SNX15: variants seen among roughly 807,000 people sequenced by gnomAD.
The protein encoded by SNX15 is sorting nexin-15.
Under a neutral mutation model 35.2 loss-of-function variants are expected in SNX15, and 29 were observed. The observed-to-expected ratio is 0.82, with a 90% CI of 0.61 to 1.12. The LOEUF (loss-of-function observed/expected upper bound fraction) is 1.12, where lower values mean the gene tolerates loss of function less well. Ranked by LOEUF, SNX15 falls within the 50% of genes most tolerant of loss-of-function variation. The pLI, the probability that SNX15 is intolerant of heterozygous loss-of-function variation, is 0.00. For synonymous variants in SNX15, 189 were observed against 188.2 expected, an observed-to-expected ratio of 1.00 and a Z score of -0.03; for missense variants, 400 against 451.5, an observed-to-expected ratio of 0.89 and a Z score of 1.03.
At position 65,032,837 on chromosome 11, in the gene SNX15, G is replaced by A. The variant is rs374997086; in HGVS notation, c.256+286G>A. ...GCCAAGGCAAAACTCCATCTCAAAG[G>A]AAAAAAAATCCTGTCTTTATCAGCT... On this transcript the variant is annotated intron_variant, in intron 3 of 7. Coordinates refer to ENST00000377244, the MANE Select transcript of SNX15 (RefSeq NM_013306.5). Among the ~76,000 whole-genome samples, 41 of 151,052 alleles carry A rather than the reference G, an allele frequency of 2.7e-4. 2 individuals carry two copies. The highest frequency in any genetic ancestry group is 2.0e-3 in the East Asian group (10 of 5,122).
chr11:65,032,480 T>A lies in SNX15; in HGVS notation c.185T>A (p.Leu62Gln), dbSNP rs905711840. The A allele has an allele frequency of 1.2e-6, 2 of 1,614,078 alleles. No individual in the cohort carries two copies. The highest frequency in any genetic ancestry group is 1.7e-6 in the Non-Finnish European group (2 of 1,180,030). Reference sequence around the variant, plus strand: ...GACTTCCGCAAGCTGCATGGAGACCTGGCCTACACCCACCGCAACCTCTTC... The same window carrying A: ...GACTTCCGCAAGCTGCATGGAGACCAGGCCTACACCCACCGCAACCTCTTC... The part of the protein sequence containing the change: ...YSDFRKLHGD[L>Q]AYTHRNLFRR... The change falls in exon 3 of 8, where the codon CTG becomes CAG. Residue 62 changes from leucine (L) to glutamine (Q), a missense_variant. Physicochemically the swap from Leu to Gln is moderately radical, Grantham distance 113. Coordinates refer to ENST00000377244, the MANE Select transcript of SNX15 (RefSeq NM_013306.5).
rs1391549242 is a variant in SNX15 at position 65,027,655 on chromosome 11, C to G, written c.99+19C>G. The G allele has an allele frequency of 1.3e-6, 2 of 1,585,324 alleles. No individual in the cohort carries two copies. The highest frequency in any genetic ancestry group is 1.7e-6 in the Non-Finnish European group (2 of 1,154,108). On this transcript the variant is annotated intron_variant, in intron 1 of 7. Transcript: ENST00000377244. ...CGCGCAGGTGAGGTGGGGCCCAGCGCGTACTTTACCCTTTTAACTAGAGGG... is the reference window on the plus strand; with the variant it reads ...CGCGCAGGTGAGGTGGGGCCCAGCGGGTACTTTACCCTTTTAACTAGAGGG...
intron 2 of SNX15, 110 bp downstream of exon 2, chr11:65,032,313 T>C (rs1946448503): frequency 6.3e-7 from 1 of 1,581,624 alleles, no homozygotes; most frequent in South Asian, 1.1e-5. Flanking sequence ...TCCCTGTCCC[T>C]GGGCGAGGGG....
In SNX15 at chr11:65,039,672, T is replaced by C; in HGVS notation, c.923-14T>C. On this transcript the variant is annotated splice_polypyrimidine_tract_variant and intron_variant, in intron 7 of 7. Coordinates refer to ENST00000377244, the MANE Select transcript of SNX15 (RefSeq NM_013306.5). ...GGTGCCCAGGTGCCTCAGCTGAGCA[T>C]TCTCTCTCCACAGGTGACCCGTTGC... 6.2e-7 allele frequency: 1 copy of C among 1,601,430 alleles called. No individual in the cohort carries two copies. The highest frequency in any genetic ancestry group is 8.5e-7 in the Non-Finnish European group (1 of 1,170,248).
rs765727483 is a variant in SNX15 at position 65,038,551 on chromosome 11, G to C, written c.665-21G>C. On this transcript the variant is annotated intron_variant, in intron 6 of 7. Transcript: ENST00000377244. ...GAAAGGAAGGGCCAGTCTGGTCCGA[G>C]TCCTCCCTTTCTAACTGCAGAAGGC... is the stretch of plus-strand genomic sequence containing the variant. 3.3e-6 allele frequency: 5 copies of C among 1,516,990 alleles called. No individual in the cohort carries two copies. The African/African-American group carries it at 7.0e-5, about 21-fold the overall frequency. 94.0% of individuals were successfully genotyped at this position (1,516,990 alleles called of 1,614,324 possible).
chr11:65,039,840 C>T lies in SNX15; in HGVS notation c.*48C>T, dbSNP rs753284419. ...GACTCTCGCTCCTGCACTGCCAGCC[C>T]CTTCTCCTCTCCCCAGGGCCTGGCC... is the stretch of plus-strand genomic sequence containing the variant. On this transcript the variant is annotated 3_prime_UTR_variant, in exon 8 of 8. Coordinates refer to ENST00000377244, the MANE Select transcript of SNX15 (RefSeq NM_013306.5). 7.6e-7 allele frequency: 1 copy of T among 1,311,720 alleles called. No homozygotes were observed. The highest frequency in any genetic ancestry group is 1.1e-6 in the Non-Finnish European group (1 of 921,676). The allele number at this position is 1,311,720 out of a possible 1,614,324, so 81.3% of individuals were successfully genotyped here.
At position 65,034,959 on chromosome 11, in the gene SNX15, C is replaced by G; in HGVS notation, c.369C>G (p.Phe123Leu). 9 of 1,613,948 alleles carry G rather than the reference C, an allele frequency of 5.6e-6. No homozygotes were observed. The highest frequency in any genetic ancestry group is 7.6e-6 in the Non-Finnish European group (9 of 1,179,864). The part of the protein sequence containing the change: ...LNNSPQLKEF[F>L]RGGEVTRPLE... ...ACAGCCCCCAGCTCAAGGAGTTCTT[C>G]CGGGTATGTGCACCTTCCACCTTCC... Residue 123 changes from phenylalanine to leucine, a missense_variant, in exon 4 of 8, where the codon TTC becomes TTG. Phe to Leu is a conservative substitution (Grantham distance 22, BLOSUM62 0). Transcript: ENST00000377244.
chr11:65,030,269 T>C (rs188865660), intron 1 of SNX15, among the ~76,000 whole-genome samples: 2,263 of 151,290 alleles, frequency 0.015, 44 homozygotes, highest in African/African-American at 0.05. Context: ...GCAGGAGAAT[T>C]GCTTGAACCC....
intron 6 of SNX15, chr11:65,037,241 G>A (rs1306004990): frequency 6.6e-6 from 1 of 151,738 alleles, no homozygotes; most frequent in Non-Finnish European, 1.5e-5. Flanking sequence ...TTGAGACAGA[G>A]TCTGGCTCTG....
intron 6 of SNX15, 129 bp downstream of exon 6, chr11:65,035,792 C>T (rs1946495808): frequency 1.1e-6 from 1 of 948,288 alleles, no homozygotes; most frequent in Admixed American, 3.1e-5. Context: ...GCAGTGCTGC[C>T]CTGTGGGCCA....
chr11:65,032,622 G>C, intron 3 of SNX15, 71 bp downstream of exon 3: 1 of 1,592,010 alleles, frequency 6.3e-7, no homozygotes, highest in Non-Finnish European at 8.6e-7. Context: ...CTCCGCCAGT[G>C]GGGGCTGGAT....
rs531446474 is a variant in SNX15 at position 65,034,875 on chromosome 11, G to A, written c.285G>A (p.Glu95=). 12 of 1,614,062 alleles carry A rather than the reference G, an allele frequency of 7.4e-6. No individual in the cohort carries two copies. In the South Asian group the frequency reaches 7.7e-5, roughly 10 times the overall value. ...GGTTTGAAGCCTCAGTGATCGAGGA[G>A]CGGCGAAAGGGGGCAGAGGACCTGC... ...FGRFEASVIE[E]RRKGAEDLLR... The change falls in exon 4 of 8, where the codon GAG becomes GAA. Residue 95 remains glutamate, a synonymous_variant. Coordinates refer to ENST00000377244, the MANE Select transcript of SNX15 (RefSeq NM_013306.5).
At chr11:65,038,459 C>A in intron 6 of SNX15, 113 bp from the exon 7 acceptor site, 1 of 1,368,478 alleles carries the variant, frequency 7.3e-7, no homozygotes, top group East Asian at 2.6e-5. Context: ...GCATTGGTCC[C>A]CTCTACTGGG....
chr11:65,027,753 C>T (rs1392608460), intron 1 of SNX15, 117 bp downstream of exon 1: 11 of 753,836 alleles, frequency 1.5e-5, no homozygotes, highest in East Asian at 5.5e-5. Context: ...TGGGTTTCCC[C>T]TTTAAGGGGA....
intron 3 of SNX15, among the ~76,000 whole-genome samples, chr11:65,032,945 G>A (rs1294281412): frequency 6.6e-6 from 1 of 152,060 alleles, no homozygotes; most frequent in Non-Finnish European, 1.5e-5. Context: ...GCGCTGTCTT[G>A]GCTCACTGCA....
chr11:65,032,016 A>G, intron 1 of SNX15, 152 bp from the exon 2 acceptor site: 1 of 683,992 alleles, frequency 1.5e-6, no homozygotes, highest in Non-Finnish European at 2.6e-6. Context: ...TTACACGCGA[A>G]GGCTTAAAGC....
rs377189828 is a variant in SNX15 at position 65,035,213 on chromosome 11, C to T, written c.520+7C>T. On this transcript the variant is annotated splice_region_variant and intron_variant, in intron 5 of 7. Coordinates refer to ENST00000377244, the MANE Select transcript of SNX15 (RefSeq NM_013306.5). ...GAGGAATTGGAGGTGCCAGGTACAT[C>T]GGGGTGGGAGGAGGGAACCAGGGCT... 8.4e-4 allele frequency: 1,309 copies of T among 1,564,130 alleles called. No homozygotes were observed. Among genetic ancestry groups the T allele is most frequent in the Non-Finnish European group, 9.6e-4 (1,113 of 1,159,564 alleles).
intron 1 of SNX15, among the ~76,000 whole-genome samples, chr11:65,029,583 T>C (rs1182077483): frequency 6.6e-6 from 1 of 150,546 alleles, no homozygotes; most frequent in Non-Finnish European, 1.5e-5. Context: ...TATATGTATG[T>C]ATATATTTTT....
At position 65,034,938 on chromosome 11, in the gene SNX15, C is replaced by T; in HGVS notation, c.348C>T (p.Ser116=). Residue 116 remains serine (S), a synonymous_variant, in exon 4 of 8, where the codon AGC becomes AGT. Coordinates refer to ENST00000377244, the MANE Select transcript of SNX15 (RefSeq NM_013306.5). ...FTVHIPALNN[S]PQLKEFFRGG... is the part of the protein sequence containing the mutation. ...TGCACATACCTGCGCTCAACAACAG[C>T]CCCCAGCTCAAGGAGTTCTTCCGGG... 6.2e-7 allele frequency: 1 copy of T among 1,613,948 alleles called. No individual in the cohort carries two copies. Among genetic ancestry groups the T allele is most frequent in the South Asian group, 1.1e-5 (1 of 91,084 alleles).
Sources: gnomAD v4.1 joint callset for allele counts (sites outside exome capture counted in the v4.1 genomes callset) on GRCh38, gnomAD v4.1.1 for gene constraint, MANE v1.5 for transcripts, NCBI Gene and HGNC (gene_info 2026-07-23, HGNC 2026-07-21) for gene names.